Variants in RNF220 observed in about 807,000 individuals in gnomAD.
RNF220 encodes ring finger protein 220.
Under a neutral mutation model 67.1 loss-of-function variants are expected in RNF220, and 7 were observed. The ratio of observed to expected loss-of-function variants is 0.10; its 90% confidence interval spans 0.06 to 0.20. The LOEUF (loss-of-function observed/expected upper bound fraction) is 0.20. RNF220 is among the 10% of genes least tolerant of loss of function. The pLI, the probability that RNF220 is intolerant of heterozygous loss-of-function variation, is 1.00. For synonymous variants in RNF220, 270 were observed against 283.2 expected (o/e 0.95, Z 0.47); for missense variants, 565 against 740.3 (o/e 0.76, Z 2.75).
intron 2 of RNF220, among the ~76,000 whole-genome samples, chr1:44,580,030 C>CAAAAAAAAAAAAAAAAAAAAAAAAAAAAA (rs61499825): frequency 7.7e-5 from 5 of 65,240 alleles, no homozygotes; most frequent in East Asian, 5.5e-4. Context: ...CCCTGTCTCA[C>CAAAAAAAAAAAAAAAAAAAAAAAAAAAAA]AAAAAAAAAA....
chr1:44,542,510 G>A (rs1661752802), intron 2 of RNF220, among the ~76,000 whole-genome samples: 1 of 152,214 alleles, frequency 6.6e-6, no homozygotes, highest in African/African-American at 2.4e-5. Context: ...ACCAGGCTCA[G>A]GCGCACAATC....
chr1:44,526,532 C>T (rs114240627), intron 2 of RNF220, among the ~76,000 whole-genome samples: 136 of 152,228 alleles, frequency 8.9e-4, no homozygotes, highest in African/African-American at 3.2e-3. Context: ...TGTCCTAACT[C>T]AGTACTATCC....
At chr1:44,436,392 G>A (rs555384700) in intron 2 of RNF220, among the ~76,000 whole-genome samples, 27 of 135,994 alleles carry the variant, frequency 2.0e-4, no homozygotes, top group African/African-American at 6.3e-4. Context: ...TGTCGAGATC[G>A]TGTGTGTGCT....
chr1:44,447,445 A>T (rs1343141530), intron 2 of RNF220, among the ~76,000 whole-genome samples: 1 of 152,232 alleles, frequency 6.6e-6, no homozygotes, highest in Admixed American at 6.5e-5. Flanking sequence ...CCCTATTTTA[A>T]GTCACTAGCA....
chr1:44,627,339 C>T (rs1303970197), intron 5 of RNF220, among the ~76,000 whole-genome samples: 8 of 111,846 alleles, frequency 7.2e-5, no homozygotes, highest in East Asian at 6.3e-4. Context: ...AGCAAGACTC[C>T]GTCTCAAAAA....
chr1:44,590,447 G>A (rs1666035149), intron 2 of RNF220, among the ~76,000 whole-genome samples: 1 of 152,236 alleles, frequency 6.6e-6, no homozygotes, highest in African/African-American at 2.4e-5. Flanking sequence ...CCAGCCTGCA[G>A]GAGCCCCATG....
At chr1:44,481,217 G>A (rs11805014) in intron 2 of RNF220, among the ~76,000 whole-genome samples, 1,994 of 152,226 alleles carry the variant, frequency 0.013, 39 homozygotes, top group African/African-American at 0.046. Context: ...GAGCCCGGGA[G>A]TTCAAGACCA....
intron 2 of RNF220, among the ~76,000 whole-genome samples, chr1:44,507,137 C>T (rs1658505071): frequency 1.3e-5 from 2 of 152,186 alleles, no homozygotes; most frequent in Admixed American, 1.3e-4. Context: ...GGGCAGACCA[C>T]AGGCTGTAAC....
chr1:44,559,947 G>A (rs906789571), intron 2 of RNF220, among the ~76,000 whole-genome samples: 4 of 152,208 alleles, frequency 2.6e-5, no homozygotes, highest in Non-Finnish European at 4.4e-5. Flanking sequence ...TCCTGGGGTG[G>A]GAGCTGAGCC....
At chr1:44,557,205 A>G (rs564318757) in intron 2 of RNF220, among the ~76,000 whole-genome samples, 65 of 146,854 alleles carry the variant, frequency 4.4e-4, no homozygotes, top group African/African-American at 1.6e-3. Flanking sequence ...TTATATATAT[A>G]TATATAAGCT....
At chr1:44,462,242 T>TATA (rs149401260) in intron 2 of RNF220, among the ~76,000 whole-genome samples, 2 of 151,936 alleles carry the variant, frequency 1.3e-5, no homozygotes, top group African/African-American at 4.8e-5. Flanking sequence ...CATATATATA[T>TATA]TTTTTAATGG....
intron 2 of RNF220, among the ~76,000 whole-genome samples, chr1:44,489,649 G>A (rs1283071906): frequency 2.0e-5 from 3 of 152,178 alleles, no homozygotes; most frequent in Non-Finnish European, 4.4e-5. Flanking sequence ...TCTTTTTCTC[G>A]AAATCTCAGG....
chr1:44,640,726 C>T (rs1033252677), intron 8 of RNF220, among the ~76,000 whole-genome samples: 2 of 152,160 alleles, frequency 1.3e-5, no homozygotes, highest in Admixed American at 1.3e-4. Context: ...ATTGATTGTC[C>T]CGCATCGCAG....
intron 2 of RNF220, among the ~76,000 whole-genome samples, chr1:44,513,717 T>A (rs1659221818): frequency 6.6e-6 from 1 of 152,196 alleles, no homozygotes; most frequent in African/African-American, 2.4e-5. Flanking sequence ...TGAAAAAGAC[T>A]GTTTGGATTT....
At chr1:44,502,504 A>G (rs1658017116) in intron 2 of RNF220, among the ~76,000 whole-genome samples, 1 of 152,216 alleles carries the variant, frequency 6.6e-6, no homozygotes, top group Admixed American at 6.5e-5. Flanking sequence ...TCCTGGAGCA[A>G]ATATTCATGC....
At chr1:44,608,282 A>G (rs1015264259) in intron 2 of RNF220, among the ~76,000 whole-genome samples, 14 of 151,990 alleles carry the variant, frequency 9.2e-5, no homozygotes, top group Non-Finnish European at 2.1e-4. Context: ...GTTTCTATCC[A>G]TTGTTAGGTC....
chr1:44,452,426 C>T (rs1021522070), intron 2 of RNF220, among the ~76,000 whole-genome samples: 3 of 151,922 alleles, frequency 2.0e-5, no homozygotes, highest in Admixed American at 1.3e-4. Flanking sequence ...TGGTGGCGGG[C>T]GCCTGTAATC....
rs546823407 is a variant in RNF220, at chr1:44,463,138, A to G, written c.625+50416A>G. Among the ~76,000 whole-genome samples the G allele has an allele frequency of 5.9e-5, 9 of 152,268 alleles. No homozygotes were observed. In the South Asian group the frequency reaches 1.5e-3, roughly 25 times the overall value. ...GATCACCTGAGGTCGGGAGTTTGAG[A>G]CCAGCCTGACCAACATGGAGAAACC... On this transcript the variant is annotated intron_variant, in intron 2 of 14. Coordinates refer to ENST00000361799, the MANE Select transcript of RNF220 (RefSeq NM_018150.4).
rs766497873 is a variant in RNF220 at position 44,412,319 on chromosome 1, T to A, written c.222T>A (p.His74Gln). 1.9e-6 allele frequency: 3 copies of A among 1,614,174 alleles called. No homozygotes were observed. Among genetic ancestry groups the A allele is most frequent in the Non-Finnish European group, 2.5e-6 (3 of 1,180,026 alleles). ...CCTATACCTTTGCCTCTATGTACCA[T>A]CGGCAAGGTGGGGTGCCAGGCACTT... is the stretch of plus-strand genomic sequence containing the variant. ...NGSYTFASMY[H>Q]RQGGVPGTFA... The change falls in exon 2 of 15, where the codon CAT becomes CAA. Residue 74 changes from histidine to glutamine, a missense_variant. Coordinates refer to ENST00000361799, the MANE Select transcript of RNF220 (RefSeq NM_018150.4). This position sits in a 1 kb window ranked among gnomAD's most constrained non-coding sequence, Gnocchi z 5.3.
Sources: gnomAD v4.1 joint callset for allele counts (sites outside exome capture counted in the v4.1 genomes callset) on GRCh38, gnomAD v4.1.1 for gene constraint, Gnocchi (gnomAD v3.1) non-coding constraint, MANE v1.5 for transcripts, NCBI Gene and HGNC (gene_info 2026-07-23, HGNC 2026-07-21) for gene names.